The following MCTS1 variants were observed in gnomAD, a reference collection of about 807,000 sequenced individuals.
The protein encoded by MCTS1 is MCTS1 re-initiation and release factor, also known as malignant T-cell-amplified sequence 1.
For synonymous variants in MCTS1, 26 were observed against 40.8 expected, an observed-to-expected ratio of 0.64 and a Z score of 1.38; for missense variants, 55 against 128.6, an observed-to-expected ratio of 0.43 and a Z score of 2.77.
intron 5 of MCTS1, chrX:120,611,354 TCA>T (rs1353466539): frequency 4.7e-6 from 1 of 214,915 alleles, no homozygotes; most frequent in Non-Finnish European, 8.4e-6. Flanking sequence ...TTATTTAGTA[TCA>T]TTTAAATTGG....
chrX:120,606,291 CAG>C (rs748870014), intron 3 of MCTS1, 115 bp downstream of exon 3: 26 of 359,593 alleles, frequency 7.2e-5, no homozygotes, highest in East Asian at 1.9e-4. Context: ...GGGAGAAAAA[CAG>C]AAATATGCAT....
rs1034927136 is a variant in MCTS1 at position 120,612,628 on chromosome X, A to G, written c.*364A>G. ...GAAACTAGACTAGGAATTTTATTCTATTACTCCAGGGGACCCAGCAGTGCT... is the reference window on the plus strand; with the variant it reads ...GAAACTAGACTAGGAATTTTATTCTGTTACTCCAGGGGACCCAGCAGTGCT... On this transcript the variant is annotated 3_prime_UTR_variant, in exon 6 of 6. Transcript: ENST00000371317. 19 of 143,965 alleles carry G rather than the reference A, an allele frequency of 1.3e-4. No homozygotes were observed. The highest frequency in any genetic ancestry group is 4.1e-4 in the East Asian group (2 of 4,839). The allele number at this position is 143,965 out of a possible 1,213,427, so 11.9% of individuals were successfully genotyped here. A position where few individuals can be genotyped will look rare whatever the true frequency, so the allele number is the denominator to read the frequency against.
chrX:120,605,286 T>C, intron 1 of MCTS1, 121 bp from the exon 2 acceptor site: 2 of 629,524 alleles, frequency 3.2e-6, no homozygotes, highest in East Asian at 3.9e-5. Flanking sequence ...ACAATTTATT[T>C]CATAATTAAG....
intron 1 of MCTS1, 127 bp from the exon 2 acceptor site, chrX:120,605,279 AT>A: frequency 1.6e-6 from 1 of 612,384 alleles, no homozygotes; most frequent in Non-Finnish European, 2.4e-6. Flanking sequence ...TAAAAGAACA[AT>A]TTATTTCATA....
chrX:120,610,901 G>T, intron 4 of MCTS1, 110 bp from the exon 5 acceptor site: 1 of 749,776 alleles, frequency 1.3e-6, no homozygotes. Context: ...AGACACAAGA[G>T]GGGTTCCAAG....
Position 120,617,565 on chromosome X carries a change from CA to C in MCTS1, c.*5302del, listed in dbSNP as rs1276276077. ...TCATATAACAAATGTTATTGCTCTT[CA>C]TTTCATTCTCCAATTTTAAAATGCT... On this transcript the variant is annotated 3_prime_UTR_variant, in exon 6 of 6. Coordinates refer to ENST00000371317, the MANE Select transcript of MCTS1 (RefSeq NM_014060.3). 8.9e-6 allele frequency among the ~76,000 whole-genome samples: 1 copy of C among 111,917 alleles called. No individual in the cohort carries two copies. Among genetic ancestry groups the C allele is most frequent in the Non-Finnish European group, 1.9e-5 (1 of 53,211 alleles).
Position 120,609,674 on chromosome X carries a change from T to G in MCTS1, c.396+1316T>G, listed in dbSNP as rs1926632933. Reference sequence around the variant, plus strand: ...ATCAAGGGAGAAAAGTGAGGACGGGTTTTTTGTTGTTGTTGTTTGTTTTTA... The same window carrying G: ...ATCAAGGGAGAAAAGTGAGGACGGGGTTTTTGTTGTTGTTGTTTGTTTTTA... On this transcript the variant is annotated intron_variant, in intron 4 of 5. Coordinates refer to ENST00000371317, the MANE Select transcript of MCTS1 (RefSeq NM_014060.3). Among the ~76,000 whole-genome samples the G allele has an allele frequency of 3.6e-5, 4 of 111,514 alleles. No individual in the cohort carries two copies. In the South Asian group the frequency reaches 1.5e-3, roughly 42 times the overall value.
At chrX:120,605,261 T>A (rs912072266) in intron 1 of MCTS1, 146 bp from the exon 2 acceptor site, 33 of 479,992 alleles carry the variant, frequency 6.9e-5, no homozygotes, top group Non-Finnish European at 1.0e-4. Context: ...GGAGATGGTA[T>A]TTTTTTTTAA....
chrX:120,609,054 T>C (rs749272360), intron 4 of MCTS1, among the ~76,000 whole-genome samples: 97 of 111,908 alleles, frequency 8.7e-4, no homozygotes, highest in Non-Finnish European at 1.3e-3. Context: ...CTGGATTAAA[T>C]AGATTTTTGT....
chrX:120,612,554 G>A lies in MCTS1; in HGVS notation c.*290G>A, dbSNP rs1926712920. On this transcript the variant is annotated 3_prime_UTR_variant, in exon 6 of 6. Coordinates refer to ENST00000371317, the MANE Select transcript of MCTS1 (RefSeq NM_014060.3). ...AAGAGCAGGACTTGGTCAATGGATT[G>A]CCATTTTATGGTAGACCTCTAGAGA... The A allele has an allele frequency of 4.8e-6, 1 of 206,593 alleles. No homozygotes were observed. The highest frequency in any genetic ancestry group is 8.7e-6 in the Non-Finnish European group (1 of 114,742). The allele number at this position is 206,593 out of a possible 1,213,427, so 17.0% of individuals were successfully genotyped here. A position where few individuals can be genotyped will look rare whatever the true frequency, so the allele number is the denominator to read the frequency against.
In MCTS1 at chrX:120,617,843, C is replaced by T. The variant is rs972971312; in HGVS notation, c.*5579C>T. On this transcript the variant is annotated 3_prime_UTR_variant, in exon 6 of 6. Transcript: ENST00000371317. ...TGTGAGTAAAAGACTGGGTTTTAAGCAATAAATCATTTGTTCTAACTAAGC... is the reference window on the plus strand; with the variant it reads ...TGTGAGTAAAAGACTGGGTTTTAAGTAATAAATCATTTGTTCTAACTAAGC... Among the ~76,000 whole-genome samples, 1 of 112,597 alleles carries T rather than the reference C, an allele frequency of 8.9e-6. No homozygotes were observed. Among genetic ancestry groups the T allele is most frequent in the Admixed American group, 9.4e-5 (1 of 10,644 alleles).
rs1184109244 is a variant in MCTS1, at chrX:120,619,446, T to C, written c.*7182T>C. On this transcript the variant is annotated 3_prime_UTR_variant, in exon 6 of 6. Transcript: ENST00000371317. ...AGCAATGATTCCATGAGGTAGATTT[T>C]AACTCTCATTTTACAAACGAGGAGA... Among the ~76,000 whole-genome samples, 2 of 109,849 alleles carry C rather than the reference T, an allele frequency of 1.8e-5. No individual in the cohort carries two copies. Among genetic ancestry groups the C allele is most frequent in the Non-Finnish European group, 3.8e-5 (2 of 52,618 alleles).
chrX:120,616,736 TAGA>T lies in MCTS1; in HGVS notation c.*4474_*4476del, dbSNP rs761008548. On this transcript the variant is annotated 3_prime_UTR_variant, in exon 6 of 6. Coordinates refer to ENST00000371317, the MANE Select transcript of MCTS1 (RefSeq NM_014060.3). Reference sequence around the variant, plus strand: ...ATTAGTATAATTAATACTTGCCTCTTAGAATGAAAATTAAAGAACTCCAAATTT... The same window carrying T: ...ATTAGTATAATTAATACTTGCCTCTTATGAAAATTAAAGAACTCCAAATTT... Among the ~76,000 whole-genome samples the T allele has an allele frequency of 7.8e-4, 88 of 112,463 alleles. 1 individual carries two copies. The highest frequency in any genetic ancestry group is 1.3e-3 in the Non-Finnish European group (68 of 53,292).
At chrX:120,605,669 TAATGGGGTAGACACAG>T in intron 2 of MCTS1, 110 bp downstream of exon 2, 2 of 760,033 alleles carry the variant, frequency 2.6e-6, no homozygotes, top group South Asian at 6.2e-5. Flanking sequence ...GATAGATTAA[TAATGGGGTAGACACAG>T]AATAACTCTA....
chrX:120,604,130 T>G lies in MCTS1; in HGVS notation c.-107T>G. On this transcript the variant is annotated 5_prime_UTR_variant, in exon 1 of 6. Transcript: ENST00000371317. ...TCCGGATAACGACTACAGCTCCGAC[T>G]GTCAGTGCCGGCCTTCCTCGTGTGA... 2 of 987,483 alleles carry G rather than the reference T, an allele frequency of 2.0e-6. No homozygotes were observed. The highest frequency in any genetic ancestry group is 2.8e-6 in the Non-Finnish European group (2 of 704,389). 81.4% of individuals were successfully genotyped at this position (987,483 alleles called of 1,213,427 possible).
In MCTS1 at chrX:120,612,165, T is replaced by G. The variant is rs1260484543; in HGVS notation, c.465-18T>G. ...AAATGCATAAAAGTATGTTTATGTG[T>G]TTTTTTTCCTTCTACAGTGAGAAAG... is the stretch of plus-strand genomic sequence containing the variant. On this transcript the variant is annotated intron_variant, in intron 5 of 5. Transcript: ENST00000371317. 60 of 1,127,677 alleles carry G rather than the reference T, an allele frequency of 5.3e-5. No individual in the cohort carries two copies. The highest frequency in any genetic ancestry group is 7.0e-5 in the Non-Finnish European group (58 of 825,600). 92.9% of individuals were successfully genotyped at this position (1,127,677 alleles called of 1,213,427 possible).
chrX:120,604,575 C>A, intron 1 of MCTS1: 1 of 718,183 alleles, frequency 1.4e-6, no homozygotes, highest in Non-Finnish European at 1.9e-6. Context: ...GGCATATTCT[C>A]TGTAGCTGAG....
chrX:120,608,096 A>C, intron 3 of MCTS1, 129 bp from the exon 4 acceptor site: 1 of 515,000 alleles, frequency 1.9e-6, no homozygotes, highest in East Asian at 4.0e-5. Flanking sequence ...TTGGTAAACA[A>C]ATGATAGTGT....
Position 120,609,645 on chromosome X carries a change from G to A in MCTS1, c.396+1287G>A, listed in dbSNP as rs1223231596. 2.7e-5 allele frequency among the ~76,000 whole-genome samples: 3 copies of A among 112,243 alleles called. 1 individual carries two copies. The highest frequency in any genetic ancestry group is 9.1e-3 in the Middle Eastern group (2 of 219). On this transcript the variant is annotated intron_variant, in intron 4 of 5. Coordinates refer to ENST00000371317, the MANE Select transcript of MCTS1 (RefSeq NM_014060.3). ...ACATATTTGGAACACTGAGTGAATT[G>A]AAAATCAAGGGAGAAAAGTGAGGAC...
Sources: gnomAD v4.1 joint callset for allele counts (sites outside exome capture counted in the v4.1 genomes callset) on GRCh38, gnomAD v4.1.1 for gene constraint, MANE v1.5 for transcripts, NCBI Gene and HGNC (gene_info 2026-07-23, HGNC 2026-07-21) for gene names.